RHOQ: variants seen among roughly 807,000 people sequenced by gnomAD.
The protein encoded by RHOQ is rho-related GTP-binding protein RhoQ.
RHOQ carries 7 observed loss-of-function variants against 25.8 expected under a neutral mutation model. The observed-to-expected ratio is 0.27, with a 90% CI of 0.15 to 0.51. The LOEUF (loss-of-function observed/expected upper bound fraction) is 0.51, where lower values mean the gene tolerates loss of function less well. Ranked by LOEUF, RHOQ falls within the 20% of genes least tolerant of loss-of-function variation. The pLI is 0.97. For synonymous variants in RHOQ, 97 were observed against 98.6 expected (o/e 0.98, Z 0.10); for missense variants, 165 against 260.6 (o/e 0.63, Z 2.53).
At position 46,563,796 on chromosome 2, in the gene RHOQ, T is replaced by A. The variant is rs76619643; in HGVS notation, c.202-12291T>A. Reference sequence around the variant, plus strand: ...TCATACCTTTGCACACTTGTGGACCTGTGTGTATTTCTTTCCTCTTTTTTT... The same window carrying A: ...TCATACCTTTGCACACTTGTGGACCAGTGTGTATTTCTTTCCTCTTTTTTT... On this transcript the variant is annotated intron_variant, in intron 2 of 4. Transcript: ENST00000238738. 3.7e-3 allele frequency among the ~76,000 whole-genome samples: 558 copies of A among 152,168 alleles called. 3 individuals are homozygous for A. The highest frequency in any genetic ancestry group is 0.013 in the African/African-American group (531 of 41,564).
intron 4 of RHOQ, among the ~76,000 whole-genome samples, chr2:46,578,540 TG>T (rs1266224332): frequency 8.7e-6 from 1 of 114,306 alleles, no homozygotes; most frequent in Non-Finnish European, 1.6e-5. Context: ...GAGACCAGCC[TG>T]GGCAACATGG....
chr2:46,583,152 G>C lies in RHOQ; in HGVS notation c.*2069G>C, dbSNP rs897224100. On this transcript the variant is annotated 3_prime_UTR_variant, in exon 5 of 5. Transcript: ENST00000238738. ...GGGATTTATGAGGATTTTTTTTGGT[G>C]GGGGGAGGGGGCTCCAATTCATATC... 5.3e-5 allele frequency: 8 copies of C among 151,962 alleles called. No individual in the cohort carries two copies. The highest frequency in any genetic ancestry group is 1.9e-4 in the African/African-American group (8 of 41,390). The allele number at this position is 151,962 out of a possible 1,614,324, so 9.4% of individuals were successfully genotyped here.
At chr2:46,559,031 G>A (rs187275456) in intron 2 of RHOQ, among the ~76,000 whole-genome samples, 1 of 152,142 alleles carries the variant, frequency 6.6e-6, no homozygotes, top group South Asian at 2.1e-4. Context: ...TAGGCTCACT[G>A]CAACCTCCAC....
At chr2:46,579,566 C>T (rs1669268807) in intron 4 of RHOQ, among the ~76,000 whole-genome samples, 1 of 152,132 alleles carries the variant, frequency 6.6e-6, no homozygotes, top group African/African-American at 2.4e-5. Context: ...GTCAGAAGCC[C>T]TCAGCTGGGT....
chr2:46,543,768 G>A lies in RHOQ; in HGVS notation c.157G>A (p.Gly53Arg), dbSNP rs780465733. ...FDHYAVSVTV[G>R]GKQYLLGLYD... is the part of the protein sequence containing the mutation. ...TGTCCTTGCAGTCAGCGTCACCGTG[G>A]GGGGCAAGCAGTACCTCCTAGGACT... The change falls in exon 2 of 5, where the codon GGG becomes AGG. Residue 53 changes from glycine to arginine, a missense_variant. Gly to Arg is a moderately radical substitution (Grantham distance 125, BLOSUM62 -2). Coordinates refer to ENST00000238738, the MANE Select transcript of RHOQ (RefSeq NM_012249.4). 7 of 1,613,616 alleles carry A rather than the reference G, an allele frequency of 4.3e-6. No individual in the cohort carries two copies. Among genetic ancestry groups the A allele is most frequent in the African/African-American group, 1.3e-5 (1 of 74,910 alleles).
chr2:46,581,535 A>C lies in RHOQ; in HGVS notation c.*452A>C. The C allele has an allele frequency of 6.2e-7, 1 of 1,611,708 alleles. No individual in the cohort carries two copies. Among genetic ancestry groups the C allele is most frequent in the Non-Finnish European group, 8.5e-7 (1 of 1,179,628 alleles). On this transcript the variant is annotated 3_prime_UTR_variant, in exon 5 of 5. Transcript: ENST00000238738. The stretch of plus-strand genomic sequence containing the variant: ...TCCAGTATATCCAGAGTGGTGAAAT[A>C]ACAAGGCCAGCCACGTAGCCAAAGG...
chr2:46,576,120 C>CA lies in RHOQ; in HGVS notation c.235_236insA (p.Pro79HisfsTer30). ...TGACCGTCTGAGGCCTTTATCTTACCCAATGACCGATGTCTTCCTTATATG... is the reference window on the plus strand; with the variant it reads ...TGACCGTCTGAGGCCTTTATCTTACCACAATGACCGATGTCTTCCTTATATG... On this transcript the variant is annotated frameshift_variant, in exon 3 of 5. Coordinates refer to ENST00000238738, the MANE Select transcript of RHOQ (RefSeq NM_012249.4). LOFTEE classifies it high-confidence loss of function. This position sits in a 1 kb window ranked among gnomAD's most constrained non-coding sequence, Gnocchi z 5.1. 3 of 1,611,398 alleles carry CA rather than the reference C, an allele frequency of 1.9e-6. No homozygotes were observed. The highest frequency in any genetic ancestry group is 2.5e-6 in the Non-Finnish European group (3 of 1,179,010).
chr2:46,568,739 A>G (rs1176553853), intron 2 of RHOQ: 4 of 152,118 alleles, frequency 2.6e-5, no homozygotes, highest in Admixed American at 6.5e-5. Context: ...TGCCCCCCAG[A>G]CATAGGGTGG....
chr2:46,544,004 G>C (rs982542363), intron 2 of RHOQ, among the ~76,000 whole-genome samples, 192 bp downstream of exon 2: 3 of 151,878 alleles, frequency 2.0e-5, no homozygotes, highest in Non-Finnish European at 4.4e-5. Context: ...AGCCGGATAA[G>C]CCCCCCCCAT....
intron 2 of RHOQ, among the ~76,000 whole-genome samples, chr2:46,559,899 G>A (rs895804579): frequency 1.3e-5 from 2 of 152,174 alleles, no homozygotes; most frequent in Non-Finnish European, 2.9e-5. Context: ...TTGGAGGGGG[G>A]TCTCAATTTT....
intron 2 of RHOQ, among the ~76,000 whole-genome samples, chr2:46,562,925 G>T (rs2104005549): frequency 6.6e-6 from 1 of 152,284 alleles, no homozygotes; most frequent in Non-Finnish European, 1.5e-5. Context: ...CAAATCTGCT[G>T]AAACTGAATG....
Position 46,564,155 on chromosome 2 carries a change from A to G in RHOQ, c.202-11932A>G, listed in dbSNP as rs552408864. The stretch of plus-strand genomic sequence containing the variant: ...CCCCCATCTCTACAAAAAATAAAAA[A>G]TTGGCCAGATGTGGTAGCACGTACC... On this transcript the variant is annotated intron_variant, in intron 2 of 4. Coordinates refer to ENST00000238738, the MANE Select transcript of RHOQ (RefSeq NM_012249.4). Among the ~76,000 whole-genome samples the G allele has an allele frequency of 2.0e-5, 3 of 152,046 alleles. No individual in the cohort carries two copies. In the South Asian group the frequency reaches 6.2e-4, roughly 32 times the overall value.
At position 46,576,237 on chromosome 2, in the gene RHOQ, T is replaced by C; in HGVS notation, c.352T>C (p.Leu118=). Residue 118 remains leucine, a synonymous_variant, in exon 3 of 5, where the codon TTA becomes CTA. Coordinates refer to ENST00000238738, the MANE Select transcript of RHOQ (RefSeq NM_012249.4). This position sits in a 1 kb window ranked among gnomAD's most constrained non-coding sequence, Gnocchi z 5.1. ...ATACGCACCAAATGTACCCTTTTTA[T>C]TAATAGGAACTCAGGTATGTCTGGT... ...KEYAPNVPFL[L]IGTQIDLRDD... 1 of 1,609,652 alleles carries C rather than the reference T, an allele frequency of 6.2e-7. No individual in the cohort carries two copies. The highest frequency in any genetic ancestry group is 8.5e-7 in the Non-Finnish European group (1 of 1,178,338).
Position 46,543,164 on chromosome 2 carries a change from C to A in RHOQ, c.118C>A (p.Pro40Thr). ...CGACGCCTTCCCGGAGGAGTACGTG[C>A]CCACCGTCTTCGACCACTACGCAGG... The part of the protein sequence containing the change: ...ANDAFPEEYV[P>T]TVFDHYAVSV... The change falls in exon 1 of 5, where the codon CCC becomes ACC. Residue 40 changes from proline to threonine, a missense_variant. Pro to Thr is a conservative substitution (Grantham distance 38, BLOSUM62 -1). Coordinates refer to ENST00000238738, the MANE Select transcript of RHOQ (RefSeq NM_012249.4). 1 of 1,612,154 alleles carries A rather than the reference C, an allele frequency of 6.2e-7. No homozygotes were observed. The highest frequency in any genetic ancestry group is 8.5e-7 in the Non-Finnish European group (1 of 1,179,380).
chr2:46,580,901 A>G (rs1669340509), intron 4 of RHOQ, 27 bp from the exon 5 acceptor site: 3 of 1,446,048 alleles, frequency 2.1e-6, no homozygotes, highest in Non-Finnish European at 2.7e-6. Context: ...GATCTTATAT[A>G]TTTGTGATTT....
chr2:46,571,247 C>T (rs1255510877), intron 2 of RHOQ, among the ~76,000 whole-genome samples: 2 of 152,152 alleles, frequency 1.3e-5, no homozygotes, highest in East Asian at 1.9e-4. Context: ...TTCCTAAGAT[C>T]GAAAGCTGTT....
At position 46,576,423 on chromosome 2, in the gene RHOQ, T is replaced by C. The variant is rs1193935980; in HGVS notation, c.367-138T>C. On this transcript the variant is annotated intron_variant, in intron 3 of 4. Transcript: ENST00000238738. The surrounding 1 kb of genome is among the most constrained non-coding windows in gnomAD (Gnocchi z 5.1). Reference sequence around the variant, plus strand: ...AAAAAATTGTGCCAAAAGAAAGCAATTATTTTCCTGGTTTTTAAAAATTAA... The same window carrying C: ...AAAAAATTGTGCCAAAAGAAAGCAACTATTTTCCTGGTTTTTAAAAATTAA... 3 of 897,304 alleles carry C rather than the reference T, an allele frequency of 3.3e-6. No individual in the cohort carries two copies. Among genetic ancestry groups the C allele is most frequent in the Non-Finnish European group, 5.1e-6 (3 of 592,050 alleles). 55.6% of individuals were successfully genotyped at this position (897,304 alleles called of 1,614,324 possible).
In RHOQ at chr2:46,555,655, T is replaced by G. The variant is rs1333914641; in HGVS notation, c.201+11843T>G. 6.6e-6 allele frequency among the ~76,000 whole-genome samples: 1 copy of G among 152,176 alleles called. No homozygotes were observed. The highest frequency in any genetic ancestry group is 1.5e-5 in the Non-Finnish European group (1 of 68,030). ...CTCATTAAGCAGACAGGCTGCCAGG[T>G]CTGTTTGGATGAAATACTGGCTATG... On this transcript the variant is annotated intron_variant, in intron 2 of 4. Transcript: ENST00000238738. This position sits in a 1 kb window ranked among gnomAD's most constrained non-coding sequence, Gnocchi z 4.3.
At chr2:46,565,209 T>C (rs1013333345) in intron 2 of RHOQ, among the ~76,000 whole-genome samples, 3 of 152,094 alleles carry the variant, frequency 2.0e-5, no homozygotes, top group Admixed American at 2.0e-4. Context: ...AACTCAATGA[T>C]TGGCTTAATC....
Sources: allele counts gnomAD v4.1 joint callset (sites outside exome capture counted in the v4.1 genomes callset), GRCh38; gene constraint gnomAD v4.1.1; non-coding constraint Gnocchi (gnomAD v3.1); transcripts MANE v1.5; gene names NCBI Gene and HGNC (gene_info 2026-07-23, HGNC 2026-07-21).